ATG7: variants seen among roughly 807,000 people sequenced by gnomAD.
ATG7 encodes the protein autophagy related 7, also known as ubiquitin-like modifier-activating enzyme ATG7.
In ATG7, 70 loss-of-function variants were observed where a neutral mutation model predicts 82.4. That is an observed-to-expected ratio of 0.85 (90% confidence interval 0.70 to 1.04). ATG7 has a LOEUF of 1.04. ATG7 is among the 50% of genes least tolerant of loss of function. The probability of loss-of-function intolerance (pLI) is 0.00; values close to 1 mark genes in which losing one functional copy is unlikely to be tolerated. For synonymous variants in ATG7, 287 were observed against 313.0 expected (o/e 0.92, Z 0.88); for missense variants, 792 against 864.3 (o/e 0.92, Z 1.05).
intron 20 of ATG7, among the ~76,000 whole-genome samples, chr3:11,431,284 C>T (rs2082859601): frequency 6.6e-6 from 1 of 152,162 alleles, no homozygotes; most frequent in South Asian, 2.1e-4. Context: ...GCCTGTAATC[C>T]CAGCTACTCG....
intron 17 of ATG7, 29 bp from the exon 18 acceptor site, chr3:11,364,630 G>A: frequency 6.2e-7 from 1 of 1,610,552 alleles, no homozygotes; most frequent in African/African-American, 1.3e-5. Flanking sequence ...TGGATTAAAT[G>A]AGCAGCTCTG....
chr3:11,518,488 A>G (rs978469187), intron 20 of ATG7, among the ~76,000 whole-genome samples: 2 of 151,932 alleles, frequency 1.3e-5, no homozygotes, highest in African/African-American at 4.8e-5. Flanking sequence ...TAGAGGTTGC[A>G]GTGGCCTGAG....
chr3:11,383,062 C>G (rs1312084371), intron 19 of ATG7, among the ~76,000 whole-genome samples: 1 of 152,176 alleles, frequency 6.6e-6, no homozygotes, highest in Non-Finnish European at 1.5e-5. Context: ...ACACAATATC[C>G]TTATCAAATT....
chr3:11,379,510 C>A (rs535621560), intron 18 of ATG7, among the ~76,000 whole-genome samples: 1 of 152,170 alleles, frequency 6.6e-6, no homozygotes, highest in African/African-American at 2.4e-5. Flanking sequence ...AGGGCCATTT[C>A]GGCCTTCCAC....
chr3:11,458,512 C>T (rs1454438377), intron 20 of ATG7, among the ~76,000 whole-genome samples: 1 of 152,170 alleles, frequency 6.6e-6, no homozygotes, highest in East Asian at 1.9e-4. Context: ...ATCCGCCCGC[C>T]TCGGCATCCC....
In ATG7 at chr3:11,550,972, C is replaced by G. The variant is rs984152052; in HGVS notation, c.2080-3839C>G. Among the ~76,000 whole-genome samples the G allele has an allele frequency of 2.6e-5, 4 of 152,042 alleles. No homozygotes were observed. In the East Asian group the frequency reaches 5.8e-4, roughly 22 times the overall value. On this transcript the variant is annotated intron_variant, in intron 20 of 20. Transcript: ENST00000693202. ...ATTTTTATCCCATTTGGAGTTGATT[C>G]TAACATGCGGGGTAAGGCATGGAAT...
At chr3:11,372,817 C>CGTGTGTGT (rs2077098984) in intron 18 of ATG7, among the ~76,000 whole-genome samples, 4 of 80,026 alleles carry the variant, frequency 5.0e-5, no homozygotes, top group East Asian at 4.7e-4. Context: ...TGTGTGTGTG[C>CGTGTGTGT]GCGCGTGTGC....
chr3:11,571,926 G>A, the ATG7 span, among the ~76,000 whole-genome samples: 3 of 152,190 alleles, frequency 2.0e-5, no homozygotes, highest in African/African-American at 7.2e-5. Flanking sequence ...GGGAAACATG[G>A]CAAAACCCTG....
intron 20 of ATG7, among the ~76,000 whole-genome samples, chr3:11,554,577 A>G (rs1280234760): frequency 6.6e-6 from 1 of 152,180 alleles, no homozygotes; most frequent in African/African-American, 2.4e-5. Context: ...CACATTCCCC[A>G]GTGCAAATCC....
chr3:11,323,926 T>G (rs1315529212), intron 9 of ATG7, among the ~76,000 whole-genome samples: 1 of 152,232 alleles, frequency 6.6e-6, no homozygotes, highest in African/African-American at 2.4e-5. Flanking sequence ...GATTAGCATG[T>G]TTTATGGGAT....
intron 18 of ATG7, among the ~76,000 whole-genome samples, chr3:11,377,062 A>C (rs994686668): frequency 9.2e-5 from 14 of 152,128 alleles, no homozygotes; most frequent in Admixed American, 6.5e-5. Flanking sequence ...TTTGTCAGCT[A>C]TAGGGAGTGG....
At position 11,491,019 on chromosome 3, in the gene ATG7, A is replaced by T. The variant is rs536816160; in HGVS notation, c.2080-63792A>T. On this transcript the variant is annotated intron_variant, in intron 20 of 20. Coordinates refer to ENST00000693202, the MANE Select transcript of ATG7 (RefSeq NM_001349232.2). ...ATTTCCTGAATCTGAATGTTGGCCT[A>T]CCTTGCTAGATTGGGGAATTTCTCC... 2.0e-3 allele frequency among the ~76,000 whole-genome samples: 307 copies of T among 152,224 alleles called. 4 individuals are homozygous for T. The highest frequency in any genetic ancestry group is 6.9e-3 in the African/African-American group (288 of 41,518).
intron 19 of ATG7, among the ~76,000 whole-genome samples, chr3:11,403,038 G>T (rs894093527): frequency 3.3e-5 from 5 of 152,138 alleles, no homozygotes; most frequent in Admixed American, 6.5e-5. Flanking sequence ...ACACTTTGCT[G>T]TAGTGATTAC....
chr3:11,303,925 A>G (rs989505152), intron 5 of ATG7, among the ~76,000 whole-genome samples: 34 of 147,924 alleles, frequency 2.3e-4, no homozygotes, highest in South Asian at 1.1e-3. Context: ...TGCAAAAAAA[A>G]AAAAAAAAAA....
At chr3:11,540,920 G>C (rs1437854907) in intron 20 of ATG7, among the ~76,000 whole-genome samples, 3 of 129,202 alleles carry the variant, frequency 2.3e-5, no homozygotes, top group Non-Finnish European at 5.0e-5. Flanking sequence ...GGGGGGGAGG[G>C]GGGGAGTCTT....
rs540874922 is a variant in ATG7 at position 11,514,091 on chromosome 3, A to G, written c.2080-40720A>G. ...GGTCTCAGCCACTGTGTTTAGTTTA[A>G]CACATGACTGTCTCATCTAATCCTG... On this transcript the variant is annotated intron_variant, in intron 20 of 20. Transcript: ENST00000693202. 7.9e-5 allele frequency among the ~76,000 whole-genome samples: 12 copies of G among 152,308 alleles called. No homozygotes were observed. The East Asian group carries it at 2.3e-3, about 29-fold the overall frequency.
chr3:11,372,036 C>T (rs1279121070), intron 18 of ATG7, among the ~76,000 whole-genome samples: 2 of 151,444 alleles, frequency 1.3e-5, no homozygotes, highest in South Asian at 4.2e-4. Context: ...ATGCTGTCTG[C>T]CGTGTTTTCA....
At chr3:11,361,366 C>A (rs1396878404) in intron 16 of ATG7, among the ~76,000 whole-genome samples, 2 of 151,584 alleles carry the variant, frequency 1.3e-5, no homozygotes, top group African/African-American at 2.4e-5. Context: ...CTCCCTGCAA[C>A]CTCTGCCTCC....
intron 18 of ATG7, among the ~76,000 whole-genome samples, chr3:11,377,124 C>G (rs893356588): frequency 6.6e-6 from 1 of 152,288 alleles, no homozygotes; most frequent in Middle Eastern, 3.4e-3. Flanking sequence ...GACAGCTGAG[C>G]CTTTGCATTA....
Sources: gnomAD v4.1 joint callset for allele counts (sites outside exome capture counted in the v4.1 genomes callset) on GRCh38, gnomAD v4.1.1 for gene constraint, MANE v1.5 for transcripts, NCBI Gene and HGNC (gene_info 2026-07-23, HGNC 2026-07-21) for gene names.